The following MGAT4C variants were observed in gnomAD, a reference collection of about 807,000 sequenced individuals.
The protein encoded by MGAT4C is alpha-1,3-mannosyl-glycoprotein 4-beta-N-acetylglucosaminyltransferase C.
A neutral mutation model predicts 40.1 loss-of-function variants in MGAT4C; 19 were observed. That is an observed-to-expected ratio of 0.47 (90% CI 0.33 to 0.70). The LOEUF (loss-of-function observed/expected upper bound fraction) is 0.70. Ranked by LOEUF, MGAT4C falls within the 30% of genes least tolerant of loss-of-function variation. The pLI is 0.02. For synonymous variants in MGAT4C, 181 were observed against 187.1 expected, an observed-to-expected ratio of 0.97 and a Z score of 0.27; for missense variants, 491 against 563.2, an observed-to-expected ratio of 0.87 and a Z score of 1.30.
chr12:86,579,190 T>C (rs1960678969), intron 2 of MGAT4C, among the ~76,000 whole-genome samples: 1 of 151,552 alleles, frequency 6.6e-6, no homozygotes, highest in African/African-American at 2.4e-5. Flanking sequence ...GGTCATTTTG[T>C]TATTGGTTTT....
rs1950593735 is a variant in MGAT4C, at chr12:86,713,431, T to G, written c.-229+13778A>C. On this transcript the variant is annotated intron_variant, in intron 2 of 7. Coordinates refer to the MGAT4C transcript ENST00000548651. ...TTCTGAAAATATTCATTCATCTTTT[T>G]GGGTTCTCACATCATAATGAATGCA... 2.0e-5 allele frequency among the ~76,000 whole-genome samples: 3 copies of G among 152,114 alleles called. No homozygotes were observed. In the South Asian group the frequency reaches 6.2e-4, roughly 31 times the overall value.
intron 3 of MGAT4C, among the ~76,000 whole-genome samples, chr12:86,416,468 G>A (rs1956717540): frequency 6.6e-6 from 1 of 152,020 alleles, no homozygotes; most frequent in South Asian, 2.1e-4. Flanking sequence ...ATTGACCAGA[G>A]GCACTGGTTA....
At chr12:86,764,921 CAG>C (rs1951476693) in intron 1 of MGAT4C, among the ~76,000 whole-genome samples, 1 of 152,054 alleles carries the variant, frequency 6.6e-6, no homozygotes, top group Admixed American at 6.6e-5. Flanking sequence ...GGGGAAAAAA[CAG>C]AGCAGAAAAA....
intron 1 of MGAT4C, among the ~76,000 whole-genome samples, chr12:86,774,290 T>TCTTTCTTTCTTTCTTTCTTC (rs1951695747): frequency 3.8e-5 from 1 of 26,086 alleles, no homozygotes; most frequent in Non-Finnish European, 1.0e-4. Context: ...GCTCTTTCTT[T>TCTTTCTTTCTTTCTTTCTTC]CTTTCTTTCT....
At chr12:86,743,637 C>T (rs1267959917) in intron 1 of MGAT4C, among the ~76,000 whole-genome samples, 1 of 151,432 alleles carries the variant, frequency 6.6e-6, no homozygotes, top group East Asian at 1.9e-4. Flanking sequence ...AATACATTTC[C>T]TTAATTTTAC....
intron 2 of MGAT4C, among the ~76,000 whole-genome samples, chr12:86,471,240 T>C (rs1471438014): frequency 2.6e-5 from 4 of 152,056 alleles, no homozygotes; most frequent in African/African-American, 9.7e-5. Context: ...TTTCTACTTT[T>C]AGTTTTTAAA....
chr12:86,408,633 C>A (rs1170459929), intron 3 of MGAT4C, among the ~76,000 whole-genome samples: 2 of 150,972 alleles, frequency 1.3e-5, no homozygotes, highest in African/African-American at 4.9e-5. Context: ...AATTCACATA[C>A]ACAAATACTA....
At chr12:86,050,654 C>T (rs11117171) in intron 1 of MGAT4C, among the ~76,000 whole-genome samples, 7,077 of 152,058 alleles carry the variant, frequency 0.047, 191 homozygotes, top group Middle Eastern at 0.071. Flanking sequence ...CTCCTGATAT[C>T]TCCATCAGCA....
At chr12:86,129,148 T>C (rs1249759851) in intron 1 of MGAT4C, among the ~76,000 whole-genome samples, 1 of 151,102 alleles carries the variant, frequency 6.6e-6, no homozygotes, top group Non-Finnish European at 1.5e-5. Context: ...ATTATTTAGG[T>C]GCACTGACCC....
intron 4 of MGAT4C, among the ~76,000 whole-genome samples, chr12:86,282,546 G>GATT (rs1214495185): frequency 6.6e-6 from 1 of 151,706 alleles, no homozygotes; most frequent in African/African-American, 2.4e-5. Context: ...AGCTAATCCT[G>GATT]GTATACCAGT....
At chr12:85,984,823 G>A (rs181650315) in intron 3 of MGAT4C, among the ~76,000 whole-genome samples, 6 of 152,024 alleles carry the variant, frequency 3.9e-5, no homozygotes, top group South Asian at 2.1e-4. Context: ...CTGTTGCCCA[G>A]GCTGGAGTGC....
intron 1 of MGAT4C, among the ~76,000 whole-genome samples, chr12:86,765,583 A>C (rs1951490668): frequency 6.6e-6 from 1 of 152,210 alleles, no homozygotes; most frequent in Non-Finnish European, 1.5e-5. Flanking sequence ...CCAAAGTTGA[A>C]ATGAAGGAAA....
chr12:86,272,722 T>A (rs898563350), intron 4 of MGAT4C, among the ~76,000 whole-genome samples: 1 of 151,992 alleles, frequency 6.6e-6, no homozygotes, highest in African/African-American at 2.4e-5. Context: ...TGTGGTGGCA[T>A]GTACCTGTGA....
chr12:86,491,986 T>C (rs1039947313), intron 2 of MGAT4C, among the ~76,000 whole-genome samples: 5 of 152,098 alleles, frequency 3.3e-5, no homozygotes, highest in African/African-American at 1.2e-4. Context: ...ATCACAAGCA[T>C]TCTTATACAC....
At position 85,961,456 on chromosome 12, in the gene MGAT4C, T is replaced by C. The variant is rs1939479903; in HGVS notation, c.*17833A>G. 1 of 151,736 alleles carries C rather than the reference T, an allele frequency of 6.6e-6. No individual in the cohort carries two copies. Among genetic ancestry groups the C allele is most frequent in the Non-Finnish European group, 1.5e-5 (1 of 67,750 alleles). 9.4% of individuals were successfully genotyped at this position (151,736 alleles called of 1,614,324 possible). A position where few individuals can be genotyped will look rare whatever the true frequency, so the allele number is the denominator to read the frequency against. Reference sequence around the variant, plus strand: ...TATTGAGATTTTACAATTTAGGTTATAATCAAGATAATTATGTATATATAT... The same window carrying C: ...TATTGAGATTTTACAATTTAGGTTACAATCAAGATAATTATGTATATATAT... On this transcript the variant is annotated 3_prime_UTR_variant, in exon 5 of 5. Coordinates refer to ENST00000611864, the MANE Select transcript of MGAT4C (RefSeq NM_001351288.2).
chr12:86,097,369 A>G (rs1874124166), intron 1 of MGAT4C, among the ~76,000 whole-genome samples: 1 of 151,640 alleles, frequency 6.6e-6, no homozygotes, highest in Admixed American at 6.6e-5. Context: ...CACCACATTG[A>G]CTTTAGAATA....
intron 1 of MGAT4C, among the ~76,000 whole-genome samples, chr12:86,803,806 A>C (rs994331078): frequency 2.1e-4 from 32 of 150,512 alleles, no homozygotes; most frequent in African/African-American, 5.6e-4. Flanking sequence ...GAACACTTTT[A>C]CACTGTTGGT....
At chr12:86,260,852 T>C (rs1314687343), upstream of MGAT4C, among the ~76,000 whole-genome samples, 1 of 151,938 alleles carries the variant, frequency 6.6e-6, no homozygotes, top group Non-Finnish European at 1.5e-5. Flanking sequence ...TGGTAATTGC[T>C]CAAGGGACAA....
At chr12:86,647,737 A>G (rs545697377) in intron 2 of MGAT4C, among the ~76,000 whole-genome samples, 1 of 151,924 alleles carries the variant, frequency 6.6e-6, no homozygotes, top group Non-Finnish European at 1.5e-5. Flanking sequence ...TAAATTCTAC[A>G]TGTCAAGAAC....
Sources: gnomAD v4.1 joint callset for allele counts (sites outside exome capture counted in the v4.1 genomes callset) on GRCh38, gnomAD v4.1.1 for gene constraint, MANE v1.5 for transcripts, NCBI Gene and HGNC (gene_info 2026-07-23, HGNC 2026-07-21) for gene names.